The following PITPNC1 variants were observed in gnomAD, a reference collection of about 807,000 sequenced individuals.
PITPNC1 encodes the protein phosphatidylinositol transfer protein cytoplasmic 1, also known as cytoplasmic phosphatidylinositol transfer protein 1.
A neutral mutation model predicts 44.7 loss-of-function variants in PITPNC1; 18 were observed. That is an observed-to-expected ratio of 0.40 (90% CI 0.28 to 0.60). The LOEUF (loss-of-function observed/expected upper bound fraction) is 0.60, where lower values mean the gene tolerates loss of function less well. PITPNC1 is among the 20% of genes least tolerant of loss of function. The pLI, the probability that PITPNC1 is intolerant of heterozygous loss-of-function variation, is 0.39. For missense variants in PITPNC1, 290 were observed against 418.4 expected (o/e 0.69, Z 2.68); for synonymous variants, 141 against 149.6 (o/e 0.94, Z 0.42).
intron 1 of PITPNC1, among the ~76,000 whole-genome samples, chr17:67,383,116 C>T (rs1165061615): frequency 1.3e-5 from 2 of 151,828 alleles, no homozygotes; most frequent in African/African-American, 4.8e-5. Flanking sequence ...CTGCCTCAGC[C>T]TCCAGAATAG....
At chr17:67,378,382 G>A (rs56021838) in intron 1 of PITPNC1, among the ~76,000 whole-genome samples, 180 bp downstream of exon 1, 2 of 152,156 alleles carry the variant, frequency 1.3e-5, no homozygotes, top group Non-Finnish European at 2.9e-5. Context: ...CCCAGCGGGG[G>A]AGGGCGGCGC....
chr17:67,461,889 A>G (rs2039343330), intron 1 of PITPNC1, among the ~76,000 whole-genome samples: 1 of 152,198 alleles, frequency 6.6e-6, no homozygotes, highest in Admixed American at 6.5e-5. Context: ...CTCGATAGGC[A>G]AGGAATCTGA....
intron 4 of PITPNC1, among the ~76,000 whole-genome samples, chr17:67,566,532 T>A (rs2040983623): frequency 6.6e-6 from 1 of 152,168 alleles, no homozygotes; most frequent in South Asian, 2.1e-4. Flanking sequence ...ACTTTCATAA[T>A]AAGAATTAAC....
intron 1 of PITPNC1, among the ~76,000 whole-genome samples, chr17:67,407,484 TA>T (rs1283140095): frequency 2.0e-5 from 3 of 152,160 alleles, no homozygotes; most frequent in Non-Finnish European, 4.4e-5. Flanking sequence ...TAGTGACCTT[TA>T]AAACACAAAA....
At chr17:67,414,030 T>C (rs1351125041) in intron 1 of PITPNC1, among the ~76,000 whole-genome samples, 1 of 152,138 alleles carries the variant, frequency 6.6e-6, no homozygotes, top group African/African-American at 2.4e-5. Flanking sequence ...GAACACCTTT[T>C]TCTTTATTGA....
intron 1 of PITPNC1, among the ~76,000 whole-genome samples, chr17:67,495,213 G>T (rs113748489): frequency 3.3e-5 from 5 of 151,050 alleles, no homozygotes; most frequent in African/African-American, 4.9e-5. Flanking sequence ...CTCGCCACCA[G>T]GCCCGGCTAA....
chr17:67,502,078 C>T (rs908708969), intron 1 of PITPNC1, among the ~76,000 whole-genome samples: 3 of 152,240 alleles, frequency 2.0e-5, no homozygotes, highest in East Asian at 3.9e-4. Context: ...TAACCATTCA[C>T]GTTGTAGTTG....
chr17:67,386,101 C>T (rs1032765230), intron 1 of PITPNC1, among the ~76,000 whole-genome samples: 4 of 152,132 alleles, frequency 2.6e-5, no homozygotes, highest in African/African-American at 9.7e-5. Flanking sequence ...GACTGATACT[C>T]CAAAGCAAAG....
intron 2 of PITPNC1, among the ~76,000 whole-genome samples, chr17:67,533,385 G>T (rs1456549799): frequency 1.3e-5 from 2 of 152,152 alleles, no homozygotes; most frequent in African/African-American, 2.4e-5. Context: ...CTTTCCCACG[G>T]CTTTGATGAC....
At chr17:67,442,265 C>G (rs2143925699) in intron 1 of PITPNC1, among the ~76,000 whole-genome samples, 1 of 110,110 alleles carries the variant, frequency 9.1e-6, no homozygotes, top group South Asian at 3.3e-4. Context: ...AAATATCCTC[C>G]CATATTGTGG....
chr17:67,589,693 T>G (rs925725553), intron 5 of PITPNC1, among the ~76,000 whole-genome samples: 5 of 151,350 alleles, frequency 3.3e-5, no homozygotes, highest in African/African-American at 1.2e-4. Context: ...CAATGCTGGG[T>G]GTGTTAGCTC....
intron 1 of PITPNC1, among the ~76,000 whole-genome samples, chr17:67,436,516 G>A (rs906934949): frequency 1.8e-4 from 27 of 152,092 alleles, no homozygotes; most frequent in African/African-American, 6.0e-4. Flanking sequence ...GGCCAGGGAG[G>A]GGAAGGAGGG....
chr17:67,548,230 G>A (rs1204589551), intron 2 of PITPNC1, among the ~76,000 whole-genome samples: 1 of 152,208 alleles, frequency 6.6e-6, no homozygotes, highest in East Asian at 1.9e-4. Context: ...GGAAGTCCCA[G>A]GCAAACCAGA....
At chr17:67,428,902 G>A (rs922248812) in intron 1 of PITPNC1, among the ~76,000 whole-genome samples, 12 of 147,388 alleles carry the variant, frequency 8.1e-5, no homozygotes, top group Admixed American at 2.1e-4. Flanking sequence ...GTGCAGTGGT[G>A]TGATCTCGGC....
chr17:67,429,372 T>TC (rs2038821913), intron 1 of PITPNC1, among the ~76,000 whole-genome samples: 1 of 152,148 alleles, frequency 6.6e-6, no homozygotes, highest in African/African-American at 2.4e-5. Flanking sequence ...TGATGTAAGA[T>TC]CATCTGTTTT....
At position 67,449,880 on chromosome 17, in the gene PITPNC1, G is replaced by A. The variant is rs145538044; in HGVS notation, c.48+71678G>A. On this transcript the variant is annotated intron_variant, in intron 1 of 8. Transcript: ENST00000581322. ...AAAAAAATTCTTTTTGCAGAGATGGGGGTCTCACTATGTTGCTCAGGCTGG... is the reference window on the plus strand; with the variant it reads ...AAAAAAATTCTTTTTGCAGAGATGGAGGTCTCACTATGTTGCTCAGGCTGG... Among the ~76,000 whole-genome samples the A allele has an allele frequency of 1.4e-4, 22 of 152,230 alleles. No individual in the cohort carries two copies. The East Asian group carries it at 4.1e-3, about 28-fold the overall frequency.
At chr17:67,447,649 G>A (rs923683733) in intron 1 of PITPNC1, among the ~76,000 whole-genome samples, 3 of 151,112 alleles carry the variant, frequency 2.0e-5, no homozygotes, top group Admixed American at 1.3e-4. Flanking sequence ...TTTCAGGCCT[G>A]AGCCACCACG....
At chr17:67,434,112 G>T (rs754017875) in intron 1 of PITPNC1, among the ~76,000 whole-genome samples, 2 of 152,066 alleles carry the variant, frequency 1.3e-5, no homozygotes, top group Non-Finnish European at 2.9e-5. Flanking sequence ...TAAGAGAGAG[G>T]CTTGATTATA....
chr17:67,565,215 CTG>C (rs1206723042), intron 4 of PITPNC1, among the ~76,000 whole-genome samples: 1 of 148,270 alleles, frequency 6.7e-6, no homozygotes, highest in Non-Finnish European at 1.5e-5. Context: ...TACTAGTTTT[CTG>C]TGTTTTTCAG....
Sources: allele counts gnomAD v4.1 joint callset (sites outside exome capture counted in the v4.1 genomes callset), GRCh38; gene constraint gnomAD v4.1.1; transcripts MANE v1.5; gene names NCBI Gene and HGNC (gene_info 2026-07-23, HGNC 2026-07-21).